ITGA9: variants seen among roughly 807,000 people sequenced by gnomAD.
ITGA9 encodes integrin alpha-9.
Under a neutral mutation model 127.8 loss-of-function variants are expected in ITGA9, and 56 were observed. The ratio of observed to expected loss-of-function variants is 0.44; its 90% CI spans 0.35 to 0.55. The LOEUF is 0.55. Among genes scored for constraint, ITGA9 ranks in the 20% least tolerant of loss-of-function variants. The probability of loss-of-function intolerance (pLI) is 0.00; values close to 1 mark genes in which losing one functional copy is unlikely to be tolerated. For missense variants in ITGA9, 1,196 were observed against 1,347.1 expected (o/e 0.89, Z 1.76); for synonymous variants, 508 against 514.5 (o/e 0.99, Z 0.17).
chr3:37,489,930 G>A (rs910443033), intron 4 of ITGA9, among the ~76,000 whole-genome samples: 1 of 152,174 alleles, frequency 6.6e-6, no homozygotes, highest in Non-Finnish European at 1.5e-5. Context: ...GACAGGGGAG[G>A]GGCAGGGGTT....
chr3:37,707,388 T>G (rs1356927413), intron 18 of ITGA9, among the ~76,000 whole-genome samples: 1 of 152,244 alleles, frequency 6.6e-6, no homozygotes, highest in African/African-American at 2.4e-5. Context: ...TGAAGACGTT[T>G]ATGAAACACC....
At chr3:37,587,853 A>G (rs750511561) in intron 15 of ITGA9, among the ~76,000 whole-genome samples, 2 of 152,208 alleles carry the variant, frequency 1.3e-5, no homozygotes, top group Non-Finnish European at 2.9e-5. Context: ...TCCTTGCAAC[A>G]TTAGAACCAG....
Position 37,773,960 on chromosome 3 carries a change from G to T in ITGA9, c.2542-3432G>T, listed in dbSNP as rs147128311. Among the ~76,000 whole-genome samples the T allele has an allele frequency of 2.5e-4, 38 of 152,290 alleles. No homozygotes were observed. In the East Asian group the frequency reaches 5.4e-3, roughly 22 times the overall value. ...TGTTTCACACAATAATTTTATCCAA[G>T]TGTGCATCTTCTGAGATTGATGGGT... On this transcript the variant is annotated intron_variant, in intron 23 of 27. Transcript: ENST00000264741.
rs1358154294 is a variant in ITGA9, at chr3:37,614,150, A to G, written c.1690-15037A>G. ...TTGAATTAATTTTTGTATAAGGTGT[A>G]AGGAAGGGATCCAGTTTCAGCTTTC... On this transcript the variant is annotated intron_variant, in intron 15 of 27. Transcript: ENST00000264741. Among the ~76,000 whole-genome samples, 22 of 151,988 alleles carry G rather than the reference A, an allele frequency of 1.4e-4. 1 individual carries two copies. Among genetic ancestry groups the G allele is most frequent in the Admixed American group, 1.4e-3 (22 of 15,272 alleles).
intron 22 of ITGA9, 26 bp from the exon 23 acceptor site, chr3:37,750,436 T>C (rs749443550): frequency 7.4e-7 from 1 of 1,347,442 alleles, no homozygotes; most frequent in South Asian, 1.2e-5. Context: ...CCACTGAGAC[T>C]TGCTGTGTGT....
At chr3:37,774,405 G>C (rs750036664) in intron 23 of ITGA9, among the ~76,000 whole-genome samples, 4 of 152,024 alleles carry the variant, frequency 2.6e-5, no homozygotes, top group Admixed American at 1.3e-4. Context: ...TTCAAATAAA[G>C]TAATTGAGGC....
chr3:37,466,698 A>G lies in ITGA9; in HGVS notation c.186-4309A>G, dbSNP rs561933299. 3.9e-5 allele frequency among the ~76,000 whole-genome samples: 6 copies of G among 152,224 alleles called. No homozygotes were observed. In the South Asian group the frequency reaches 1.2e-3, roughly 32 times the overall value. On this transcript the variant is annotated intron_variant, in intron 1 of 27. Coordinates refer to ENST00000264741, the MANE Select transcript of ITGA9 (RefSeq NM_002207.3). ...AGCTTGTTAAAATGCATTCTGATTTAATGGGCTGGGGCCTAAGATTCTGCA... is the reference window on the plus strand; with the variant it reads ...AGCTTGTTAAAATGCATTCTGATTTGATGGGCTGGGGCCTAAGATTCTGCA...
At chr3:37,790,753 A>G (rs1324677052) in intron 26 of ITGA9, 4 of 153,224 alleles carry the variant, frequency 2.6e-5, no homozygotes, top group African/African-American at 9.6e-5. Flanking sequence ...TGAGAATGCC[A>G]TGTGAGACCT....
chr3:37,751,295 A>G lies in ITGA9; in HGVS notation c.2541+726A>G, dbSNP rs748934277. On this transcript the variant is annotated intron_variant, in intron 23 of 27. Transcript: ENST00000264741. ...TGTCTTTGGGCTCTGCTGACCCAGCAGAAGAAAGCCGCCAGTGTTCCGCAC... is the reference window on the plus strand; with the variant it reads ...TGTCTTTGGGCTCTGCTGACCCAGCGGAAGAAAGCCGCCAGTGTTCCGCAC... Among the ~76,000 whole-genome samples the G allele has an allele frequency of 5.5e-4, 83 of 152,158 alleles. 2 individuals carry two copies. The highest frequency in any genetic ancestry group is 3.3e-4 in the Admixed American group (5 of 15,284).
At position 37,452,579 on chromosome 3, in the gene ITGA9, C is replaced by A; in HGVS notation, c.185+20C>A. ...GCGCTGGTGAGTGCCCGCCCGACTC[C>A]GCGACCCTGGCCCGCGCGGCCACCG... On this transcript the variant is annotated intron_variant, in intron 1 of 27. Coordinates refer to ENST00000264741, the MANE Select transcript of ITGA9 (RefSeq NM_002207.3). This position sits in a 1 kb window ranked among gnomAD's most constrained non-coding sequence, Gnocchi z 7.3. 6.7e-7 allele frequency: 1 copy of A among 1,502,726 alleles called. No individual in the cohort carries two copies. Among genetic ancestry groups the A allele is most frequent in the Non-Finnish European group, 8.9e-7 (1 of 1,124,014 alleles). 93.1% of individuals were successfully genotyped at this position (1,502,726 alleles called of 1,614,324 possible).
At chr3:37,766,008 GA>G (rs2125544895) in intron 23 of ITGA9, among the ~76,000 whole-genome samples, 1 of 152,354 alleles carries the variant, frequency 6.6e-6, no homozygotes. Flanking sequence ...TGGTGGTGAG[GA>G]GTTTGCTTAC....
In ITGA9 at chr3:37,597,895, A is replaced by G. The variant is rs1699883796; in HGVS notation, c.1690-31292A>G. Among the ~76,000 whole-genome samples, 1 of 152,240 alleles carries G rather than the reference A, an allele frequency of 6.6e-6. No homozygotes were observed. The highest frequency in any genetic ancestry group is 2.4e-5 in the African/African-American group (1 of 41,464). On this transcript the variant is annotated intron_variant, in intron 15 of 27. Coordinates refer to ENST00000264741, the MANE Select transcript of ITGA9 (RefSeq NM_002207.3). This position sits in a 1 kb window ranked among gnomAD's most constrained non-coding sequence, Gnocchi z 4.6. ...GACTGGGGCAACTCAGCACCGCTCC[A>G]TGCATATCTCACTGTCCAACAGGCC... is the stretch of plus-strand genomic sequence containing the variant.
At chr3:37,801,904 C>A (rs1697239802) in intron 26 of ITGA9, among the ~76,000 whole-genome samples, 1 of 152,168 alleles carries the variant, frequency 6.6e-6, no homozygotes, top group Non-Finnish European at 1.5e-5. Flanking sequence ...CACTCTCCTA[C>A]CCCAGCTGCG....
chr3:37,802,943 C>T (rs1016788127), intron 26 of ITGA9, among the ~76,000 whole-genome samples: 1 of 152,194 alleles, frequency 6.6e-6, no homozygotes, highest in Non-Finnish European at 1.5e-5. Flanking sequence ...GCTCCAATTG[C>T]TGTGGCTCCC....
chr3:37,794,246 C>T (rs1008945763), intron 26 of ITGA9, among the ~76,000 whole-genome samples: 1 of 152,236 alleles, frequency 6.6e-6, no homozygotes, highest in Non-Finnish European at 1.5e-5. Flanking sequence ...GGATGCCCCA[C>T]AGCCGGTCAG....
chr3:37,732,434 C>T (rs537421854), intron 18 of ITGA9, among the ~76,000 whole-genome samples: 1 of 152,306 alleles, frequency 6.6e-6, no homozygotes, highest in African/African-American at 2.4e-5. Context: ...CCAGCTCAGC[C>T]ATGGCCCAGC....
At chr3:37,635,698 T>C (rs1431455036) in intron 16 of ITGA9, among the ~76,000 whole-genome samples, 1 of 152,078 alleles carries the variant, frequency 6.6e-6, no homozygotes, top group African/African-American at 2.4e-5. Flanking sequence ...GTTACATATG[T>C]ATACATGTGC....
intron 3 of ITGA9, among the ~76,000 whole-genome samples, chr3:37,478,756 ATAT>A: frequency 6.6e-6 from 1 of 152,340 alleles, no homozygotes; most frequent in South Asian, 2.1e-4. Flanking sequence ...TCTGTAATTT[ATAT>A]TCAGAGACAC....
intron 1 of ITGA9, among the ~76,000 whole-genome samples, chr3:37,461,706 C>G (rs1018351922): frequency 6.6e-6 from 1 of 152,180 alleles, no homozygotes; most frequent in Non-Finnish European, 1.5e-5. Context: ...TTTTGTTATG[C>G]TCTACATAAA....
Sources: gnomAD v4.1 joint callset for allele counts (sites outside exome capture counted in the v4.1 genomes callset) on GRCh38, gnomAD v4.1.1 for gene constraint, Gnocchi (gnomAD v3.1) non-coding constraint, MANE v1.5 for transcripts, NCBI Gene and HGNC (gene_info 2026-07-23, HGNC 2026-07-21) for gene names.